TMTC2: variants seen among roughly 807,000 people sequenced by gnomAD.
The protein encoded by TMTC2 is protein O-mannosyl-transferase TMTC2.
A neutral mutation model predicts 82.4 loss-of-function variants in TMTC2; 43 were observed. The observed-to-expected ratio is 0.52, with a 90% confidence interval of 0.41 to 0.67. TMTC2 has a LOEUF of 0.67. Among genes scored for constraint, TMTC2 ranks in the 30% least tolerant of loss-of-function variants. The pLI, the probability that TMTC2 is intolerant of heterozygous loss-of-function variation, is 0.00. For missense variants in TMTC2, 919 were observed against 1,012.4 expected (o/e 0.91, Z 1.25); for synonymous variants, 408 against 381.9 (o/e 1.07, Z -0.80).
intron 4 of TMTC2, among the ~76,000 whole-genome samples, chr12:82,945,056 G>T (rs1006620539): frequency 2.0e-5 from 3 of 152,158 alleles, no homozygotes; most frequent in Non-Finnish European, 4.4e-5. Context: ...TCAAACAACT[G>T]ATTTCACACT....
chr12:83,007,975 A>G (rs1028990046), intron 8 of TMTC2, among the ~76,000 whole-genome samples: 2 of 152,188 alleles, frequency 1.3e-5, no homozygotes, highest in Non-Finnish European at 2.9e-5. Flanking sequence ...GTTTTTGATC[A>G]GAAGTTCACT....
chr12:83,014,435 C>G (rs1796294), intron 8 of TMTC2, among the ~76,000 whole-genome samples: 119,670 of 151,794 alleles, frequency 0.79, 48,018 homozygotes, highest in South Asian at 0.93. Flanking sequence ...CGCCTCCCCG[C>G]TTCAAGTGAT....
chr12:82,811,275 T>C (rs1195336321), intron 1 of TMTC2, among the ~76,000 whole-genome samples: 2 of 152,068 alleles, frequency 1.3e-5, no homozygotes, highest in African/African-American at 4.8e-5. Context: ...TACCCAGTCT[T>C]GGGCAGTTCT....
chr12:82,821,954 A>T (rs547699697), intron 1 of TMTC2, among the ~76,000 whole-genome samples: 2 of 152,254 alleles, frequency 1.3e-5, no homozygotes, highest in South Asian at 4.1e-4. Context: ...TACTGTAAAA[A>T]GCACTCCTTT....
At chr12:83,095,897 A>G (rs896028893) in intron 11 of TMTC2, among the ~76,000 whole-genome samples, 4 of 152,218 alleles carry the variant, frequency 2.6e-5, no homozygotes, top group Non-Finnish European at 5.9e-5. Flanking sequence ...ATGGAAGTTT[A>G]AGCTCAGATG....
chr12:82,860,029 A>G (rs1281575930), intron 2 of TMTC2, among the ~76,000 whole-genome samples: 8 of 152,094 alleles, frequency 5.3e-5, no homozygotes, highest in Admixed American at 5.2e-4. Context: ...GCTGGAGTGC[A>G]GTGGCACGAT....
chr12:83,081,654 G>A (rs1480870333), intron 11 of TMTC2, among the ~76,000 whole-genome samples: 1 of 151,988 alleles, frequency 6.6e-6, no homozygotes, highest in Non-Finnish European at 1.5e-5. Flanking sequence ...AAATACACAG[G>A]AATCTAAAAT....
intron 3 of TMTC2, among the ~76,000 whole-genome samples, chr12:82,901,310 C>T (rs867996626): frequency 0.022 from 2,185 of 99,362 alleles, 143 homozygotes; most frequent in African/African-American, 0.077. Context: ...ATTTTTTTTT[C>T]TTTTTTTTTT....
intron 4 of TMTC2, among the ~76,000 whole-genome samples, chr12:82,957,699 T>C (rs75901220): frequency 8.0e-4 from 122 of 151,746 alleles, no homozygotes; most frequent in African/African-American, 2.7e-3. Context: ...CAAAGAAATA[T>C]AAAAGATCCT....
chr12:82,804,502 T>C (rs182962727), intron 1 of TMTC2, among the ~76,000 whole-genome samples: 25 of 152,260 alleles, frequency 1.6e-4, no homozygotes, highest in Admixed American at 6.5e-4. Context: ...TTTAAAGCAA[T>C]GATAATTTTT....
intron 3 of TMTC2, among the ~76,000 whole-genome samples, chr12:82,929,433 T>C (rs1245466565): frequency 6.6e-6 from 1 of 152,160 alleles, no homozygotes; most frequent in African/African-American, 2.4e-5. Flanking sequence ...TTTCCCACTT[T>C]ACAGATAAAG....
At chr12:82,884,330 G>T (rs1392064391) in intron 2 of TMTC2, among the ~76,000 whole-genome samples, 3 of 152,116 alleles carry the variant, frequency 2.0e-5, no homozygotes, top group Non-Finnish European at 2.9e-5. Flanking sequence ...TACTACAAAC[G>T]CTATAGAGTG....
intron 1 of TMTC2, among the ~76,000 whole-genome samples, chr12:82,791,846 C>G (rs1878483973): frequency 6.6e-6 from 1 of 152,134 alleles, no homozygotes; most frequent in African/African-American, 2.4e-5. Context: ...GTACTCCTTA[C>G]CAGGCATGGA....
intron 1 of TMTC2, among the ~76,000 whole-genome samples, chr12:82,833,304 G>A (rs1869849461): frequency 2.6e-5 from 4 of 152,196 alleles, no homozygotes; most frequent in Admixed American, 2.0e-4. Flanking sequence ...GAGAATCCCA[G>A]TATGAAGCTT....
intron 1 of TMTC2, among the ~76,000 whole-genome samples, chr12:82,761,223 C>T (rs1246577928): frequency 6.6e-6 from 1 of 152,182 alleles, no homozygotes; most frequent in Non-Finnish European, 1.5e-5. Flanking sequence ...CATTTTCTCA[C>T]TCTGAAACAA....
intron 1 of TMTC2, among the ~76,000 whole-genome samples, chr12:82,818,967 T>C (rs752374214): frequency 6.6e-6 from 1 of 152,102 alleles, no homozygotes; most frequent in Non-Finnish European, 1.5e-5. Context: ...TAAATTTTGG[T>C]GTGAAAAGAT....
At chr12:82,860,774 GCATGTGAAATA>G (rs1871501100) in intron 2 of TMTC2, among the ~76,000 whole-genome samples, 1 of 152,236 alleles carries the variant, frequency 6.6e-6, no homozygotes, top group Non-Finnish European at 1.5e-5. Context: ...TTGTTTGACA[GCATGTGAAATA>G]AGGACTGCTT....
chr12:83,030,978 T>G, intron 9 of TMTC2, 99 bp downstream of exon 9: 2 of 868,366 alleles, frequency 2.3e-6, no homozygotes, highest in Non-Finnish European at 3.7e-6. Context: ...TAAGAGGAGA[T>G]GGACTTTGTT....
At chr12:82,886,188 C>G (rs527740130) in intron 2 of TMTC2, among the ~76,000 whole-genome samples, 4 of 152,068 alleles carry the variant, frequency 2.6e-5, no homozygotes, top group Non-Finnish European at 5.9e-5. Context: ...TGTACTTTCA[C>G]GTGTGTTTTG....
Sources: gnomAD v4.1 joint callset for allele counts (sites outside exome capture counted in the v4.1 genomes callset) on GRCh38, gnomAD v4.1.1 for gene constraint, MANE v1.5 for transcripts, NCBI Gene and HGNC (gene_info 2026-07-23, HGNC 2026-07-21) for gene names.